The following WDPCP variants were observed in gnomAD, a reference collection of about 807,000 sequenced individuals.
The protein encoded by WDPCP is WD repeat-containing and planar cell polarity effector protein fritz homolog.
In WDPCP, 71 loss-of-function variants were observed where a neutral mutation model predicts 93.1. The observed-to-expected ratio is 0.76, with a 90% CI of 0.63 to 0.93. WDPCP has a LOEUF of 0.93. Ranked by LOEUF, WDPCP falls within the 40% of genes least tolerant of loss-of-function variation. The pLI, the probability that WDPCP is intolerant of heterozygous loss-of-function variation, is 0.00. For synonymous variants in WDPCP, 315 were observed against 315.0 expected, an observed-to-expected ratio of 1.00 and a Z score of 0.00; for missense variants, 844 against 887.4, an observed-to-expected ratio of 0.95 and a Z score of 0.62.
chr2:63,292,055 C>A (rs1684471691), intron 13 of WDPCP, among the ~76,000 whole-genome samples: 1 of 146,188 alleles, frequency 6.8e-6, no homozygotes, highest in Admixed American at 6.9e-5. Context: ...ATGGCGTGAA[C>A]CCGGGAGGTG....
At chr2:63,654,778 G>A (rs895584695) in intron 2 of WDPCP, among the ~76,000 whole-genome samples, 4 of 151,934 alleles carry the variant, frequency 2.6e-5, no homozygotes, top group African/African-American at 9.7e-5. Flanking sequence ...CCTAGTACAA[G>A]GTAAATGCCA....
chr2:63,297,474 C>G (rs1684958768), intron 13 of WDPCP, among the ~76,000 whole-genome samples: 1 of 152,176 alleles, frequency 6.6e-6, no homozygotes, highest in Non-Finnish European at 1.5e-5. Context: ...TTGAATGGCC[C>G]TCTCGTTCTT....
chr2:63,153,341 C>T (rs1672008180), intron 16 of WDPCP, among the ~76,000 whole-genome samples, 154 bp downstream of exon 16: 2 of 152,184 alleles, frequency 1.3e-5, no homozygotes, highest in South Asian at 4.1e-4. Context: ...AATAATCAGG[C>T]AACTTGGTAT....
chr2:63,350,684 C>T (rs941274497), intron 12 of WDPCP, among the ~76,000 whole-genome samples: 1 of 151,944 alleles, frequency 6.6e-6, no homozygotes, highest in Non-Finnish European at 1.5e-5. Context: ...CTGTAATAGT[C>T]CTTCCCACTC....
At chr2:63,522,230 G>C (rs1000463676) in intron 1 of WDPCP, among the ~76,000 whole-genome samples, 1 of 150,844 alleles carries the variant, frequency 6.6e-6, no homozygotes, top group Admixed American at 6.6e-5. Context: ...GTGTCGATGT[G>C]TTCTCATTGT....
At chr2:63,604,947 A>C in intron 3 of WDPCP, 1 of 1,468,960 alleles carries the variant, frequency 6.8e-7, no homozygotes, top group Non-Finnish European at 9.3e-7. Context: ...AGAAAACCTT[A>C]AAGAGGGCAG....
In WDPCP at chr2:63,695,170, G is replaced by A. The variant is rs537295497; in HGVS notation, n.309-44332C>T. 8.4e-4 allele frequency among the ~76,000 whole-genome samples: 128 copies of A among 152,182 alleles called. No individual in the cohort carries two copies. The Middle Eastern group carries it at 0.01, about 12-fold the overall frequency. On this transcript the variant is annotated intron_variant and non_coding_transcript_variant, in intron 2 of 4. Transcript: ENST00000467687. ...TGAGAAACCAAGGAACAACAGAAGA[G>A]AAATATGAAATGAATGAGGAATAGA... is the stretch of plus-strand genomic sequence containing the variant.
At chr2:63,550,045 G>C (rs373945210) in intron 1 of WDPCP, among the ~76,000 whole-genome samples, 1 of 141,364 alleles carries the variant, frequency 7.1e-6, no homozygotes, top group Admixed American at 7.3e-5. Flanking sequence ...ATCTTCAAAT[G>C]CATCAACCAA....
intron 1 of WDPCP, among the ~76,000 whole-genome samples, chr2:63,815,261 T>C (rs1439067621): frequency 6.6e-6 from 1 of 152,146 alleles, no homozygotes; most frequent in East Asian, 1.9e-4. Context: ...ACTCACCAGT[T>C]CCTAGAATTT....
At chr2:63,313,884 ATAT>A (rs1559312083) in intron 12 of WDPCP, among the ~76,000 whole-genome samples, 1 of 8,032 alleles carries the variant, frequency 1.2e-4, no homozygotes, top group Non-Finnish European at 2.3e-4. Flanking sequence ...ATATATATAT[ATAT>A]TTTTTTTTTT....
At chr2:63,364,693 C>A (rs1371223950) in intron 12 of WDPCP, among the ~76,000 whole-genome samples, 2 of 152,200 alleles carry the variant, frequency 1.3e-5, no homozygotes, top group African/African-American at 4.8e-5. Context: ...AAACTCTCAA[C>A]AGAGTGCTAG....
At chr2:63,786,520 T>C (rs1411976621) in intron 2 of WDPCP, among the ~76,000 whole-genome samples, 2 of 152,212 alleles carry the variant, frequency 1.3e-5, no homozygotes, top group Admixed American at 6.5e-5. Context: ...CAGTGCCATA[T>C]GTGTGTTGAG....
chr2:63,812,603 C>T (rs1252235453), intron 2 of WDPCP, among the ~76,000 whole-genome samples: 1 of 152,070 alleles, frequency 6.6e-6, no homozygotes, highest in East Asian at 1.9e-4. Context: ...TTAATAATAG[C>T]CATTCTGCCT....
intron 2 of WDPCP, among the ~76,000 whole-genome samples, chr2:63,686,023 A>G (rs1216661081): frequency 6.6e-6 from 1 of 152,218 alleles, no homozygotes; most frequent in Non-Finnish European, 1.5e-5. Context: ...TAAAACTGAA[A>G]ATCTTTTCTC....
At chr2:63,823,627 C>T (rs1403099498) in intron 1 of WDPCP, among the ~76,000 whole-genome samples, 1 of 152,052 alleles carries the variant, frequency 6.6e-6, no homozygotes, top group Non-Finnish European at 1.5e-5. Context: ...TCTCTTTTTC[C>T]AGAACCAAAT....
intron 1 of WDPCP, among the ~76,000 whole-genome samples, chr2:63,554,418 T>C (rs1415498929): frequency 6.6e-6 from 1 of 152,066 alleles, no homozygotes; most frequent in Admixed American, 6.6e-5. Flanking sequence ...TTAATAAATA[T>C]GTTGTACTTG....
intron 14 of WDPCP, among the ~76,000 whole-genome samples, chr2:63,222,405 A>G (rs1357742752): frequency 1.3e-5 from 2 of 152,196 alleles, no homozygotes; most frequent in Non-Finnish European, 2.9e-5. Flanking sequence ...TGGCGTGGCC[A>G]TAGATCAGGA....
rs574035054 is a variant in WDPCP, at chr2:63,380,239, AT to A, written c.1624+1666del. Among the ~76,000 whole-genome samples the A allele has an allele frequency of 3.8e-3, 558 of 147,284 alleles. 4 individuals carry two copies. Among genetic ancestry groups the A allele is most frequent in the African/African-American group, 0.011 (444 of 40,230 alleles). ...CCTGCTTTTTAAAATTTTTTCTTTC[AT>A]TTTTTTTTTAAGTATACACTCAGTC... On this transcript the variant is annotated intron_variant, in intron 11 of 17. Coordinates refer to ENST00000272321, the MANE Select transcript of WDPCP (RefSeq NM_015910.7).
intron 15 of WDPCP, among the ~76,000 whole-genome samples, chr2:63,154,019 A>G (rs760353016): frequency 6.6e-6 from 1 of 151,938 alleles, no homozygotes; most frequent in Non-Finnish European, 1.5e-5. Flanking sequence ...AAAGAATAAT[A>G]TAAATATCCA....
Sources: gnomAD v4.1 joint callset for allele counts (sites outside exome capture counted in the v4.1 genomes callset) on GRCh38, gnomAD v4.1.1 for gene constraint, MANE v1.5 for transcripts, NCBI Gene and HGNC (gene_info 2026-07-23, HGNC 2026-07-21) for gene names.